RNF115: variants seen among roughly 807,000 people sequenced by gnomAD.
The protein encoded by RNF115 is E3 ubiquitin-protein ligase RNF115.
A neutral mutation model predicts 39.2 loss-of-function variants in RNF115; 31 were observed. The ratio of observed to expected loss-of-function variants is 0.79; its 90% CI spans 0.59 to 1.07. The LOEUF (loss-of-function observed/expected upper bound fraction) is 1.07, where lower values mean the gene tolerates loss of function less well. RNF115 is among the 50% of genes least tolerant of loss of function. RNF115 has a pLI of 0.00. For synonymous variants in RNF115, 124 were observed against 131.0 expected (o/e 0.95, Z 0.37); for missense variants, 384 against 381.7 (o/e 1.01, Z -0.05).
In RNF115 at chr1:145,740,569, C is replaced by T. The variant is rs1340921713; in HGVS notation, c.*6297G>A. 2 of 152,266 alleles carry T rather than the reference C, an allele frequency of 1.3e-5. No individual in the cohort carries two copies. Among genetic ancestry groups the T allele is most frequent in the Non-Finnish European group, 2.9e-5 (2 of 68,054 alleles). The allele number at this position is 152,266 out of a possible 1,614,324, so 9.4% of individuals were successfully genotyped here. A position where few individuals can be genotyped will look rare whatever the true frequency, so the allele number is the denominator to read the frequency against. ...CATAATAGGTGGTTTTCTGGACACGCATCTTAGCCCCAATCTGTATGAGTG... is the reference window on the plus strand; with the variant it reads ...CATAATAGGTGGTTTTCTGGACACGTATCTTAGCCCCAATCTGTATGAGTG... On this transcript the variant is annotated 3_prime_UTR_variant, in exon 9 of 9. Transcript: ENST00000582693.
intron 1 of RNF115, among the ~76,000 whole-genome samples, chr1:145,790,062 C>T (rs1269770755): frequency 6.6e-6 from 1 of 152,126 alleles, no homozygotes; most frequent in Non-Finnish European, 1.5e-5. Flanking sequence ...TGCAGAATTG[C>T]TTCATAGCTA....
chr1:145,808,911 T>TTA (rs1649573747), intron 1 of RNF115, among the ~76,000 whole-genome samples: 2 of 152,164 alleles, frequency 1.3e-5, no homozygotes, highest in Non-Finnish European at 2.9e-5. Context: ...TTAGAAAAGA[T>TTA]TCTCTAGAAG....
At chr1:145,783,795 T>C (rs2101557946) in intron 3 of RNF115, among the ~76,000 whole-genome samples, 1 of 152,002 alleles carries the variant, frequency 6.6e-6, no homozygotes, top group African/African-American at 2.4e-5. Flanking sequence ...TGCCACTGAA[T>C]TATACACTTA....
At chr1:145,756,628 T>A (rs930484727) in intron 4 of RNF115, among the ~76,000 whole-genome samples, 1 of 152,152 alleles carries the variant, frequency 6.6e-6, no homozygotes, top group African/African-American at 2.4e-5. Context: ...ATTTATTCGT[T>A]CACTGATGTG....
rs587646318 is a variant in RNF115 at position 145,789,749 on chromosome 1, C to T, written c.103-783G>A. Among the ~76,000 whole-genome samples the T allele has an allele frequency of 4.1e-3, 554 of 134,884 alleles. 6 individuals carry two copies. The highest frequency in any genetic ancestry group is 0.018 in the Middle Eastern group (4 of 226). The allele number at this position is 134,884 out of a possible 152,430, so 88.5% of individuals were successfully genotyped here. A position where few individuals can be genotyped will look rare whatever the true frequency, so the allele number is the denominator to read the frequency against. ...TTGAGATGGAGTCTCGCTCTCTTGC[C>T]CAGGAGCTAGAGTGCAATGGTGTGA... On this transcript the variant is annotated intron_variant, in intron 1 of 8. Transcript: ENST00000582693.
At chr1:145,811,230 C>G (rs1177127820) in intron 1 of RNF115, among the ~76,000 whole-genome samples, 1 of 151,708 alleles carries the variant, frequency 6.6e-6, no homozygotes, top group Non-Finnish European at 1.5e-5. Flanking sequence ...TAAGAGAAAA[C>G]TGTACTTTGG....
intron 3 of RNF115, among the ~76,000 whole-genome samples, chr1:145,784,177 C>A (rs781941727): frequency 1.3e-4 from 20 of 152,160 alleles, no homozygotes; most frequent in Non-Finnish European, 2.5e-4. Flanking sequence ...CTGCACTTTA[C>A]CTGGTTGTCA....
rs1657882866 is a variant in RNF115, at chr1:145,746,433, C to G, written c.*433G>C. Reference sequence around the variant, plus strand: ...TTTTTTTTTTTAAATACAATTAAGACAAAAGGACTTTATATCAGCAGGACT... The same window carrying G: ...TTTTTTTTTTTAAATACAATTAAGAGAAAAGGACTTTATATCAGCAGGACT... On this transcript the variant is annotated 3_prime_UTR_variant, in exon 9 of 9. Transcript: ENST00000582693. 1 of 148,364 alleles carries G rather than the reference C, an allele frequency of 6.7e-6. No homozygotes were observed. The allele number at this position is 148,364 out of a possible 1,614,324, so 9.2% of individuals were successfully genotyped here.
chr1:145,792,255 A>T (rs1028919886), intron 1 of RNF115, among the ~76,000 whole-genome samples: 3 of 152,048 alleles, frequency 2.0e-5, no homozygotes, highest in Admixed American at 6.6e-5. Flanking sequence ...CTGAACCCTA[A>T]ATTTTGTTTT....
chr1:145,783,342 T>C (rs1314716404), intron 3 of RNF115, among the ~76,000 whole-genome samples: 2 of 152,076 alleles, frequency 1.3e-5, no homozygotes, highest in Admixed American at 6.5e-5. Context: ...CCACCCTAAA[T>C]AGAACAGGAC....
intron 1 of RNF115, among the ~76,000 whole-genome samples, chr1:145,805,148 A>T (rs1381839681): frequency 6.6e-6 from 1 of 152,200 alleles, no homozygotes; most frequent in East Asian, 1.9e-4. Context: ...TCTTCATCGA[A>T]ATAAAAGTAA....
chr1:145,809,104 T>C (rs1241989315), intron 1 of RNF115, among the ~76,000 whole-genome samples: 3 of 151,938 alleles, frequency 2.0e-5, no homozygotes, highest in Admixed American at 6.6e-5. Flanking sequence ...CACTAACTAA[T>C]GGCAAGTGGT....
At chr1:145,795,293 G>A (rs587775917) in intron 1 of RNF115, among the ~76,000 whole-genome samples, 1 of 152,232 alleles carries the variant, frequency 6.6e-6, no homozygotes, top group Non-Finnish European at 1.5e-5. Flanking sequence ...GACCCAAAGA[G>A]TGAGCAGCAG....
intron 1 of RNF115, among the ~76,000 whole-genome samples, chr1:145,818,108 GTA>G (rs1359745302): frequency 1.3e-5 from 2 of 151,582 alleles, no homozygotes; most frequent in Non-Finnish European, 2.9e-5. Context: ...ATTCCTCTGG[GTA>G]TATACCCAGT....
intron 5 of RNF115, 32 bp from the exon 6 acceptor site, chr1:145,751,542 T>A (rs375744919): frequency 1.3e-6 from 2 of 1,514,130 alleles, no homozygotes; most frequent in African/African-American, 1.4e-5. Context: ...CAGCATTAGA[T>A]GGAGTGACCA....
intron 1 of RNF115, among the ~76,000 whole-genome samples, chr1:145,805,403 A>T (rs924668859): frequency 9.9e-5 from 15 of 152,188 alleles, no homozygotes; most frequent in African/African-American, 3.6e-4. Flanking sequence ...GTTCTAAAAA[A>T]AAAATTATCC....
chr1:145,811,087 C>T (rs1360281346), intron 1 of RNF115, among the ~76,000 whole-genome samples: 3 of 150,512 alleles, frequency 2.0e-5, no homozygotes, highest in Non-Finnish European at 4.4e-5. Flanking sequence ...CCAGGCTGGT[C>T]TCCAACTCCT....
chr1:145,743,377 A>C lies in RNF115; in HGVS notation c.*3489T>G, dbSNP rs1553711194. ...AACATCAGCTCTTCTAGGGTATCCA[A>C]GCTGGCCTTCAGACTGGAACTACAC... On this transcript the variant is annotated 3_prime_UTR_variant, in exon 9 of 9. Coordinates refer to ENST00000582693, the MANE Select transcript of RNF115 (RefSeq NM_014455.4). 6.6e-6 allele frequency: 1 copy of C among 152,220 alleles called. No homozygotes were observed. Among genetic ancestry groups the C allele is most frequent in the African/African-American group, 2.4e-5 (1 of 41,402 alleles). 9.4% of individuals were successfully genotyped at this position (152,220 alleles called of 1,614,324 possible).
intron 4 of RNF115, among the ~76,000 whole-genome samples, chr1:145,763,748 T>C (rs1437078208): frequency 6.6e-6 from 1 of 152,194 alleles, no homozygotes; most frequent in Non-Finnish European, 1.5e-5. Flanking sequence ...AGATGGGTTT[T>C]AATGTAGTAA....
Sources: allele counts gnomAD v4.1 joint callset (sites outside exome capture counted in the v4.1 genomes callset), GRCh38; gene constraint gnomAD v4.1.1; transcripts MANE v1.5; gene names NCBI Gene and HGNC (gene_info 2026-07-23, HGNC 2026-07-21).